PDE3A: variants seen among roughly 807,000 people sequenced by gnomAD.
PDE3A encodes phosphodiesterase 3A, also known as cGMP-inhibited 3',5'-cyclic phosphodiesterase 3A.
In PDE3A, 43 loss-of-function variants were observed where a neutral mutation model predicts 98.3. That is an observed-to-expected ratio of 0.44 (90% confidence interval 0.34 to 0.56). The LOEUF (loss-of-function observed/expected upper bound fraction) is 0.56, where lower values mean the gene tolerates loss of function less well. Ranked by LOEUF, PDE3A falls within the 20% of genes least tolerant of loss-of-function variation. The pLI is 0.01. For missense variants in PDE3A, 1,427 were observed against 1,440.7 expected (o/e 0.99, Z 0.15); for synonymous variants, 663 against 567.9 (o/e 1.17, Z -2.38).
chr12:20,455,746 C>A (rs539796661), intron 1 of PDE3A, among the ~76,000 whole-genome samples: 28 of 152,202 alleles, frequency 1.8e-4, no homozygotes, highest in African/African-American at 6.5e-4. Context: ...TATTTCTCTC[C>A]TTTTCTTTTG....
At chr12:20,495,879 A>G (rs752933583) in intron 1 of PDE3A, among the ~76,000 whole-genome samples, 1 of 152,198 alleles carries the variant, frequency 6.6e-6, no homozygotes, top group African/African-American at 2.4e-5. Context: ...TTGATAAGAA[A>G]CTAAATGGAC....
intron 8 of PDE3A, among the ~76,000 whole-genome samples, chr12:20,635,590 AAGAAAG>A (rs1231955661): frequency 1.5e-4 from 22 of 147,470 alleles, no homozygotes; most frequent in Non-Finnish European, 1.7e-4. Flanking sequence ...AAAAAAAAAA[AAGAAAG>A]AAAGAAATTA....
At chr12:20,424,301 G>A (rs1047053270) in intron 1 of PDE3A, among the ~76,000 whole-genome samples, 1 of 152,094 alleles carries the variant, frequency 6.6e-6, no homozygotes, top group African/African-American at 2.4e-5. Flanking sequence ...AAAGCATTTG[G>A]AGAGCGGATA....
In PDE3A at chr12:20,686,223, A is replaced by G. The variant is rs1265022378; in HGVS notation, c.*5952A>G. On this transcript the variant is annotated 3_prime_UTR_variant, in exon 16 of 16. Transcript: ENST00000359062. The stretch of plus-strand genomic sequence containing the variant: ...ATACATTAGATAAAAATTAGTGTCA[A>G]TAATTTAACTTTGTACAAATTATAG... Among the ~76,000 whole-genome samples the G allele has an allele frequency of 6.6e-6, 1 of 152,226 alleles. No homozygotes were observed. The highest frequency in any genetic ancestry group is 1.5e-5 in the Non-Finnish European group (1 of 68,022).
chr12:20,619,254 G>T, intron 4 of PDE3A, among the ~76,000 whole-genome samples: 1 of 151,560 alleles, frequency 6.6e-6, no homozygotes, highest in South Asian at 2.1e-4. Flanking sequence ...TATTTATCTT[G>T]AGTTCATTAA....
intron 3 of PDE3A, among the ~76,000 whole-genome samples, chr12:20,615,678 A>G (rs1190982252): frequency 6.6e-6 from 1 of 152,024 alleles, no homozygotes; most frequent in Non-Finnish European, 1.5e-5. Flanking sequence ...CTATAATCAC[A>G]TATTTGTATA....
intron 8 of PDE3A, among the ~76,000 whole-genome samples, chr12:20,635,381 C>G (rs540672225): frequency 6.6e-6 from 1 of 152,050 alleles, no homozygotes; most frequent in Non-Finnish European, 1.5e-5. Context: ...CCAGCCTGAC[C>G]AACATGGTGA....
intron 1 of PDE3A, among the ~76,000 whole-genome samples, chr12:20,485,405 GT>G (rs1464712510): frequency 1.3e-5 from 2 of 152,068 alleles, no homozygotes; most frequent in Non-Finnish European, 2.9e-5. Flanking sequence ...ATAAGGTCAT[GT>G]TTATTCACAC....
Position 20,683,725 on chromosome 12 carries a change from G to A in PDE3A, c.*3454G>A, listed in dbSNP as rs796231171. Reference sequence around the variant, plus strand: ...TCTGTACAGGGATATATCTATATTAGTCTTCATCTGATGAATGAAGAAATT... The same window carrying A: ...TCTGTACAGGGATATATCTATATTAATCTTCATCTGATGAATGAAGAAATT... On this transcript the variant is annotated 3_prime_UTR_variant, in exon 16 of 16. Coordinates refer to ENST00000359062, the MANE Select transcript of PDE3A (RefSeq NM_000921.5). 10 of 152,172 alleles carry A rather than the reference G, an allele frequency of 6.6e-5. No homozygotes were observed. Among genetic ancestry groups the A allele is most frequent in the African/African-American group, 2.4e-4 (10 of 41,526 alleles). The allele number at this position is 152,172 out of a possible 1,614,324, so 9.4% of individuals were successfully genotyped here. A position where few individuals can be genotyped will look rare whatever the true frequency, so the allele number is the denominator to read the frequency against.
intron 2 of PDE3A, among the ~76,000 whole-genome samples, chr12:20,579,007 C>T (rs748404424): frequency 3.3e-5 from 5 of 151,724 alleles, no homozygotes; most frequent in Admixed American, 2.6e-4. Context: ...TTTTTTTTCT[C>T]GGATGTACTT....
intron 1 of PDE3A, among the ~76,000 whole-genome samples, chr12:20,470,870 GAGAGA>G (rs1945426553): frequency 1.3e-5 from 2 of 151,382 alleles, no homozygotes; most frequent in African/African-American, 2.4e-5. Context: ...AGATGAGGTC[GAGAGA>G]GTGGGCCCTC....
chr12:20,674,029 A>T (rs988956284), intron 15 of PDE3A, among the ~76,000 whole-genome samples: 1 of 151,998 alleles, frequency 6.6e-6, no homozygotes, highest in Non-Finnish European at 1.5e-5. Context: ...TTCCATGTAG[A>T]GGTCTTTATC....
intron 9 of PDE3A, among the ~76,000 whole-genome samples, chr12:20,638,605 G>A (rs1026843069): frequency 6.6e-6 from 1 of 152,052 alleles, no homozygotes; most frequent in African/African-American, 2.4e-5. Context: ...GGATCCCCCT[G>A]GGAGATTGTG....
At chr12:20,585,535 C>T (rs1278725898) in intron 2 of PDE3A, among the ~76,000 whole-genome samples, 1 of 152,190 alleles carries the variant, frequency 6.6e-6, no homozygotes, top group African/African-American at 2.4e-5. Flanking sequence ...TCTGTCCTCA[C>T]CATTTGCCAA....
intron 1 of PDE3A, among the ~76,000 whole-genome samples, chr12:20,555,491 A>C (rs1379158520): frequency 6.6e-6 from 1 of 152,228 alleles, no homozygotes; most frequent in African/African-American, 2.4e-5. Flanking sequence ...AAACTTCAGC[A>C]CACTGTATAA....
At chr12:20,389,137 G>A (rs1399720041) in intron 1 of PDE3A, among the ~76,000 whole-genome samples, 7 of 151,950 alleles carry the variant, frequency 4.6e-5, no homozygotes, top group Non-Finnish European at 7.4e-5. Context: ...TCTGTCGAAG[G>A]AGAGTTAGCA....
rs1945751048 is a variant in PDE3A, at chr12:20,680,500, TAAG to T, written c.*230_*232del. ...GCAACACCAGCTTCTAAGGATTTTT[TAAG>T]GAGGGAATATATATGTGTGTGTGTA... On this transcript the variant is annotated 3_prime_UTR_variant, in exon 16 of 16. Transcript: ENST00000359062. The T allele has an allele frequency of 1.9e-6, 1 of 514,462 alleles. No homozygotes were observed. Among genetic ancestry groups the T allele is most frequent in the East Asian group, 3.4e-5 (1 of 29,722 alleles). The allele number at this position is 514,462 out of a possible 1,614,324, so 31.9% of individuals were successfully genotyped here.
rs150849699 is a variant in PDE3A at position 20,463,116 on chromosome 12, T to C, written c.960+92872T>C. The stretch of plus-strand genomic sequence containing the variant: ...TGCCCATGATAAATTATCTCAGTTA[T>C]AGGACATCATCTGTGTCAATCTAAA... On this transcript the variant is annotated intron_variant, in intron 1 of 15. Transcript: ENST00000359062. 8.5e-5 allele frequency among the ~76,000 whole-genome samples: 13 copies of C among 152,286 alleles called. No homozygotes were observed. In the East Asian group the frequency reaches 2.3e-3, roughly 27 times the overall value.
At position 20,386,070 on chromosome 12, in the gene PDE3A, A is replaced by AAATATATAT. The variant is rs1565532446; in HGVS notation, c.960+15828_960+15829insTATATATAA. On this transcript the variant is annotated intron_variant, in intron 1 of 15. Coordinates refer to ENST00000359062, the MANE Select transcript of PDE3A (RefSeq NM_000921.5). The stretch of plus-strand genomic sequence containing the variant: ...TATATAAATATATATAAATATATAT[A>AAATATATAT]AAATATATATAAATATATAAATATA... 3.0e-3 allele frequency among the ~76,000 whole-genome samples: 110 copies of AAATATATAT among 37,114 alleles called. 6 individuals carry two copies. Among genetic ancestry groups the AAATATATAT allele is most frequent in the African/African-American group, 0.011 (104 of 9,556 alleles). The allele number at this position is 37,114 out of a possible 152,430, so 24.3% of individuals were successfully genotyped here. A position where few individuals can be genotyped will look rare whatever the true frequency, so the allele number is the denominator to read the frequency against.
Sources: allele counts gnomAD v4.1 joint callset (sites outside exome capture counted in the v4.1 genomes callset), GRCh38; gene constraint gnomAD v4.1.1; transcripts MANE v1.5; gene names NCBI Gene and HGNC (gene_info 2026-07-23, HGNC 2026-07-21).